Variants in LIN28B observed in about 807,000 individuals in gnomAD.
LIN28B encodes protein lin-28 homolog B.
In LIN28B, 5 loss-of-function variants were observed where a neutral mutation model predicts 21.9. The ratio of observed to expected loss-of-function variants is 0.23; its 90% confidence interval spans 0.12 to 0.48. The LOEUF (loss-of-function observed/expected upper bound fraction) is 0.48. LIN28B is among the 20% of genes least tolerant of loss of function. The pLI is 0.98. For synonymous variants in LIN28B, 109 were observed against 111.3 expected (o/e 0.98, Z 0.13); for missense variants, 245 against 310.5 (o/e 0.79, Z 1.58).
intron 3 of LIN28B, among the ~76,000 whole-genome samples, chr6:105,050,254 C>T (rs1362652396): frequency 6.6e-6 from 1 of 152,086 alleles, no homozygotes; most frequent in African/African-American, 2.4e-5. Context: ...TTCTCCTTCA[C>T]TTATGAAGCT....
intron 2 of LIN28B, among the ~76,000 whole-genome samples, chr6:104,944,880 G>GT (rs1207654944): frequency 1.3e-5 from 2 of 151,996 alleles, no homozygotes; most frequent in African/African-American, 2.4e-5. Flanking sequence ...CCAGTTTCTA[G>GT]TTTTTTCTTA....
chr6:105,078,661 AG>A lies in LIN28B; in HGVS notation c.634del (p.Ala212GlnfsTer21). 1 of 1,614,158 alleles carries A rather than the reference AG, an allele frequency of 6.2e-7. No homozygotes were observed. Among genetic ancestry groups the A allele is most frequent in the Non-Finnish European group, 8.5e-7 (1 of 1,180,026 alleles). ...ATCACCACCGTTTCCTCAGGAGGCT[AG>A]GGCAGAGATCTCAGAACGGTCAGGC... ...CTSPPFPQEARAEISERSGRS... is the reference protein window; with the variant it reads ...CTSPPFPQEAXAEISERSGRS... On this transcript the variant is annotated frameshift_variant, in exon 4 of 4. Transcript: ENST00000345080. LOFTEE classifies it high-confidence loss of function.
At chr6:104,961,408 A>T (rs568483511) in intron 2 of LIN28B, among the ~76,000 whole-genome samples, 2 of 149,536 alleles carry the variant, frequency 1.3e-5, no homozygotes, top group South Asian at 4.3e-4. Flanking sequence ...AAATTCTTTT[A>T]TTTTTTTTTT....
At chr6:104,991,636 C>G (rs530964319) in intron 2 of LIN28B, among the ~76,000 whole-genome samples, 1 of 151,970 alleles carries the variant, frequency 6.6e-6, no homozygotes, top group East Asian at 1.9e-4. Context: ...GCTGCAATCT[C>G]GGCACTTTGG....
At chr6:105,029,221 TAAATG>T (rs1771366130) in intron 3 of LIN28B, among the ~76,000 whole-genome samples, 1 of 152,126 alleles carries the variant, frequency 6.6e-6, no homozygotes, top group Non-Finnish European at 1.5e-5. Context: ...GTTTCTATAA[TAAATG>T]GGAGGAAAGA....
intron 2 of LIN28B, among the ~76,000 whole-genome samples, chr6:104,970,052 G>T (rs1353218496): frequency 6.6e-6 from 1 of 152,100 alleles, no homozygotes; most frequent in East Asian, 1.9e-4. Context: ...TGCCAGTGGG[G>T]GATGGTGTGT....
At chr6:105,060,005 G>A (rs1772095932) in intron 3 of LIN28B, among the ~76,000 whole-genome samples, 1 of 151,744 alleles carries the variant, frequency 6.6e-6, no homozygotes, top group African/African-American at 2.4e-5. Context: ...CCAGGTTCAA[G>A]CGATTCTCCT....
chr6:104,937,358 C>T (rs893614155), intron 2 of LIN28B, among the ~76,000 whole-genome samples: 13 of 151,916 alleles, frequency 8.6e-5, no homozygotes, highest in Admixed American at 3.9e-4. Flanking sequence ...GCCGCAGTCT[C>T]GGCTCGCTGC....
intron 3 of LIN28B, among the ~76,000 whole-genome samples, chr6:105,073,864 G>C (rs750662569): frequency 6.6e-6 from 1 of 152,180 alleles, no homozygotes; most frequent in East Asian, 1.9e-4. Context: ...GTGGTTGTCC[G>C]CTGTGCTCAG....
At chr6:105,013,331 A>AT (rs577799880) in intron 2 of LIN28B, among the ~76,000 whole-genome samples, 118 of 148,700 alleles carry the variant, frequency 7.9e-4, no homozygotes, top group Non-Finnish European at 1.2e-3. Context: ...TTTAATTCCC[A>AT]TTTTTTTTTG....
At chr6:104,973,631 G>GTGTCGT (rs1326558236) in intron 2 of LIN28B, among the ~76,000 whole-genome samples, 2 of 152,248 alleles carry the variant, frequency 1.3e-5, no homozygotes, top group Non-Finnish European at 2.9e-5. Context: ...TTTAGCAGAA[G>GTGTCGT]TGTCGTTCCT....
intron 2 of LIN28B, among the ~76,000 whole-genome samples, chr6:104,972,325 C>G (rs1047713738): frequency 3.3e-5 from 5 of 151,948 alleles, no homozygotes; most frequent in African/African-American, 4.8e-5. Flanking sequence ...TAAGGAAGTG[C>G]TACCTTGGTT....
intron 2 of LIN28B, among the ~76,000 whole-genome samples, chr6:104,995,492 T>G (rs1770579646): frequency 6.6e-6 from 1 of 152,172 alleles, no homozygotes; most frequent in Non-Finnish European, 1.5e-5. Context: ...ACCATCCAGT[T>G]GGATATATTC....
In LIN28B at chr6:105,028,881, G is replaced by A. The variant is rs1771359310; in HGVS notation, c.383+2399G>A. On this transcript the variant is annotated intron_variant, in intron 3 of 3. Coordinates refer to ENST00000345080, the MANE Select transcript of LIN28B (RefSeq NM_001004317.4). ...TAGGTAAGAAGAGGACTAAGCCCTG[G>A]GGCACTCTAGCATTTAAGAGTCAAG... 2.6e-5 allele frequency among the ~76,000 whole-genome samples: 4 copies of A among 152,230 alleles called. No individual in the cohort carries two copies. In the South Asian group the frequency reaches 8.3e-4, roughly 32 times the overall value.
rs1441509837 is a variant in LIN28B, at chr6:104,998,331, TTTA to T, written c.199-27962_199-27960del. On this transcript the variant is annotated intron_variant, in intron 2 of 3. Transcript: ENST00000345080. ...AAGAGGGATGTAAATCTGTTAACAT[TTTA>T]TTATCATTTTGTTTAGATTTTTCAG... Among the ~76,000 whole-genome samples the T allele has an allele frequency of 2.6e-5, 4 of 152,178 alleles. No individual in the cohort carries two copies. The East Asian group carries it at 5.8e-4, about 22-fold the overall frequency.
intron 2 of LIN28B, among the ~76,000 whole-genome samples, chr6:104,997,245 C>T (rs1409241701): frequency 6.8e-6 from 1 of 147,214 alleles, no homozygotes; most frequent in Non-Finnish European, 1.5e-5. Context: ...CGCGCCACTG[C>T]ACTCCAGCCT....
At position 105,080,246 on chromosome 6, in the gene LIN28B, G is replaced by A. The variant is rs1288874444; in HGVS notation, c.*1463G>A. ...GGGTCATCCTGGCTCTAGATGTTAT[G>A]GGCAAATTTCTGAAACATCTGCAAG... On this transcript the variant is annotated 3_prime_UTR_variant, in exon 4 of 4. Coordinates refer to ENST00000345080, the MANE Select transcript of LIN28B (RefSeq NM_001004317.4). 6.6e-6 allele frequency: 1 copy of A among 152,534 alleles called. No individual in the cohort carries two copies. Among genetic ancestry groups the A allele is most frequent in the African/African-American group, 2.4e-5 (1 of 41,410 alleles). The allele number at this position is 152,534 out of a possible 1,614,324, so 9.4% of individuals were successfully genotyped here.
At chr6:105,017,423 T>C (rs944288926) in intron 2 of LIN28B, among the ~76,000 whole-genome samples, 6 of 152,166 alleles carry the variant, frequency 3.9e-5, no homozygotes, top group African/African-American at 1.4e-4. Flanking sequence ...TGGATACTTA[T>C]AAAAATAGTT....
chr6:105,074,459 A>G (rs1173934401), intron 3 of LIN28B, among the ~76,000 whole-genome samples: 1 of 152,018 alleles, frequency 6.6e-6, no homozygotes, highest in Non-Finnish European at 1.5e-5. Context: ...CGGCCTCCCA[A>G]AGTGCTGGGA....
Sources: gnomAD v4.1 joint callset for allele counts (sites outside exome capture counted in the v4.1 genomes callset) on GRCh38, gnomAD v4.1.1 for gene constraint, MANE v1.5 for transcripts, NCBI Gene and HGNC (gene_info 2026-07-23, HGNC 2026-07-21) for gene names.